Variants in NCAM1 observed in about 807,000 individuals in gnomAD.
NCAM1 encodes antigen recognized by monoclonal antibody 5.1H11.
NCAM1 carries 14 observed loss-of-function variants against 109.8 expected under a neutral mutation model. That is an observed-to-expected ratio of 0.13 (90% CI 0.08 to 0.20). NCAM1 has a LOEUF of 0.20. Ranked by LOEUF, NCAM1 falls within the 10% of genes least tolerant of loss-of-function variation. The pLI is 1.00. For missense variants in NCAM1, 774 were observed against 1,109.9 expected, an observed-to-expected ratio of 0.70 and a Z score of 4.30; for synonymous variants, 418 against 442.9, an observed-to-expected ratio of 0.94 and a Z score of 0.70.
rs184791547 is a variant in NCAM1 at position 113,250,920 on chromosome 11, C to G, written c.1828+4550C>G. On this transcript the variant is annotated intron_variant, in intron 15 of 19. Transcript: ENST00000316851. ...TCAAGCAATTCTCCTGCCTCAGCCT[C>G]CTGCGTAGCTGGGATTACAGACGCA... 2.1e-3 allele frequency among the ~76,000 whole-genome samples: 318 copies of G among 152,338 alleles called. 1 individual carries two copies. Among genetic ancestry groups the G allele is most frequent in the African/African-American group, 6.8e-3 (282 of 41,580 alleles).
rs1404327927 is a variant in NCAM1 at position 113,263,122 on chromosome 11, T to C, written c.2131+2799T>C. On this transcript the variant is annotated intron_variant, in intron 17 of 19. Coordinates refer to ENST00000316851, the MANE Select transcript of NCAM1 (RefSeq NM_181351.5). ...CCACTCACAGATACTTTTGTGCCAC[T>C]TCATAAGGAGTTTGCCCCCTTTTTA... 2.4e-6 allele frequency: 3 copies of C among 1,274,552 alleles called. No individual in the cohort carries two copies. The East Asian group carries it at 9.0e-5, about 38-fold the overall frequency. The allele number at this position is 1,274,552 out of a possible 1,614,324, so 79.0% of individuals were successfully genotyped here. A position where few individuals can be genotyped will look rare whatever the true frequency, so the allele number is the denominator to read the frequency against.
Position 113,228,594 on chromosome 11 carries a change from T to C in NCAM1, c.1090-3051T>C, listed in dbSNP as rs532997141. On this transcript the variant is annotated intron_variant, in intron 9 of 19. Coordinates refer to ENST00000316851, the MANE Select transcript of NCAM1 (RefSeq NM_181351.5). ...TGGAAAAAAGCTACTTTAAAGTTCA[T>C]ATGGAACCAAAAAAGAGCCCGCATC... is the stretch of plus-strand genomic sequence containing the variant. 2.6e-5 allele frequency among the ~76,000 whole-genome samples: 4 copies of C among 152,288 alleles called. No individual in the cohort carries two copies. The East Asian group carries it at 7.7e-4, about 29-fold the overall frequency.
At chr11:113,254,742 A>G (rs1289402821) in intron 15 of NCAM1, among the ~76,000 whole-genome samples, 2 of 152,198 alleles carry the variant, frequency 1.3e-5, no homozygotes, top group Non-Finnish European at 2.9e-5. Flanking sequence ...TCCAGAGAGC[A>G]AGCCAGAGTG....
chr11:113,042,033 T>A (rs2135430042), intron 1 of NCAM1, among the ~76,000 whole-genome samples: 1 of 152,310 alleles, frequency 6.6e-6, no homozygotes, highest in South Asian at 2.1e-4. Flanking sequence ...AACTTTGCCC[T>A]TGTCACTCCC....
At chr11:113,039,480 T>A (rs1167513056) in intron 1 of NCAM1, among the ~76,000 whole-genome samples, 1 of 152,230 alleles carries the variant, frequency 6.6e-6, no homozygotes, top group Non-Finnish European at 1.5e-5. Context: ...TTTTCTTCAG[T>A]CATCTCAAGA....
chr11:112,973,243 G>A (rs782368820), intron 1 of NCAM1, among the ~76,000 whole-genome samples: 9 of 152,018 alleles, frequency 5.9e-5, no homozygotes, highest in African/African-American at 9.7e-5. Flanking sequence ...TCTAATGTTC[G>A]TTTAGTCATT....
At chr11:113,155,555 G>A (rs1053164733) in intron 1 of NCAM1, among the ~76,000 whole-genome samples, 1 of 151,836 alleles carries the variant, frequency 6.6e-6, no homozygotes, top group South Asian at 2.1e-4. Flanking sequence ...GTCTTAGAAT[G>A]CCTCCTAGGT....
At chr11:113,119,803 T>C (rs1203098504) in intron 1 of NCAM1, among the ~76,000 whole-genome samples, 3 of 152,124 alleles carry the variant, frequency 2.0e-5, no homozygotes, top group Non-Finnish European at 4.4e-5. Flanking sequence ...TAAAATACTA[T>C]TTTAATGTAT....
chr11:113,270,150 C>T (rs781878287), intron 17 of NCAM1, 38 bp from the exon 18 acceptor site: 1 of 1,603,760 alleles, frequency 6.2e-7, no homozygotes, highest in Non-Finnish European at 8.5e-7. Context: ...TCTCGCATCT[C>T]AGTCTGTTAA....
Position 113,273,548 on chromosome 11 carries a change from C to T in NCAM1, c.2456+1672C>T, listed in dbSNP as rs939802280. 3.5e-5 allele frequency: 13 copies of T among 376,070 alleles called. No homozygotes were observed. Among genetic ancestry groups the T allele is most frequent in the Admixed American group, 5.8e-5 (2 of 34,388 alleles). 23.3% of individuals were successfully genotyped at this position (376,070 alleles called of 1,614,324 possible). Reference sequence around the variant, plus strand: ...CTAGCCCGAAGAGCGAGGCTGCCTCCGTCAGCACCACAAACCCTTCCCAGG... The same window carrying T: ...CTAGCCCGAAGAGCGAGGCTGCCTCTGTCAGCACCACAAACCCTTCCCAGG... On this transcript the variant is annotated intron_variant, in intron 19 of 19. Coordinates refer to ENST00000316851, the MANE Select transcript of NCAM1 (RefSeq NM_181351.5). The surrounding 1 kb of genome is among the most constrained non-coding windows in gnomAD (Gnocchi z 6.0).
chr11:113,109,458 A>G (rs782661129), intron 1 of NCAM1, among the ~76,000 whole-genome samples: 2 of 152,104 alleles, frequency 1.3e-5, no homozygotes, highest in Non-Finnish European at 2.9e-5. Context: ...AGCTAGTGCT[A>G]TGTGATGAGA....
At chr11:113,023,912 C>CA (rs201627711) in intron 1 of NCAM1, among the ~76,000 whole-genome samples, 3,237 of 137,672 alleles carry the variant, frequency 0.024, 77 homozygotes, top group East Asian at 0.1. Context: ...GTCTGATCTG[C>CA]AAAAAAAAAA....
chr11:113,196,021 T>C (rs756820393), intron 1 of NCAM1, among the ~76,000 whole-genome samples: 7 of 152,098 alleles, frequency 4.6e-5, no homozygotes, highest in Non-Finnish European at 8.8e-5. Context: ...ACATTACCTT[T>C]CTAAACAATT....
In NCAM1 at chr11:112,962,904, G is replaced by A. The variant is rs1555063756; in HGVS notation, c.52+1240G>A. On this transcript the variant is annotated intron_variant, in intron 1 of 19. Transcript: ENST00000316851. This position sits in a 1 kb window ranked among gnomAD's most constrained non-coding sequence, Gnocchi z 5.6. ...TGCTGGGAAGCGATCGAGGAAAGCC[G>A]GGCGGAGGGGCTGTGTGTCGCGGTC... Among the ~76,000 whole-genome samples, 1 of 152,202 alleles carries A rather than the reference G, an allele frequency of 6.6e-6. No individual in the cohort carries two copies. The highest frequency in any genetic ancestry group is 2.1e-4 in the South Asian group (1 of 4,822).
intron 1 of NCAM1, among the ~76,000 whole-genome samples, chr11:112,964,292 C>T (rs1314873743): frequency 2.0e-5 from 3 of 151,942 alleles, no homozygotes; most frequent in African/African-American, 7.3e-5. Flanking sequence ...GGCTGCCCCT[C>T]TCCTCTTTCT....
Position 113,277,142 on chromosome 11 carries a change from A to G in NCAM1, c.*1755A>G, listed in dbSNP as rs2137830765. On this transcript the variant is annotated 3_prime_UTR_variant, in exon 20 of 20. Transcript: ENST00000316851. ...TGATGCTAAGTAAACAGAAATCAGT[A>G]CTCCGCATGCGCTCCTCTCCTAAGG... 1 of 393,744 alleles carries G rather than the reference A, an allele frequency of 2.5e-6. No homozygotes were observed. Among genetic ancestry groups the G allele is most frequent in the South Asian group, 1.4e-4 (1 of 6,946 alleles). The allele number at this position is 393,744 out of a possible 1,614,324, so 24.4% of individuals were successfully genotyped here.
chr11:113,088,660 C>T (rs1206223028), intron 1 of NCAM1, among the ~76,000 whole-genome samples: 2 of 152,214 alleles, frequency 1.3e-5, no homozygotes, highest in South Asian at 2.1e-4. Context: ...TGATATGATG[C>T]GAGTAACAAA....
At chr11:113,169,617 A>G (rs1273469083) in intron 1 of NCAM1, among the ~76,000 whole-genome samples, 1 of 137,928 alleles carries the variant, frequency 7.3e-6, no homozygotes, top group Non-Finnish European at 1.5e-5. Flanking sequence ...GACTTTTCAG[A>G]GTTGGATGGG....
At chr11:113,119,273 A>C (rs1294174443) in intron 1 of NCAM1, among the ~76,000 whole-genome samples, 3 of 152,192 alleles carry the variant, frequency 2.0e-5, no homozygotes, top group Non-Finnish European at 4.4e-5. Flanking sequence ...CATGGGAGGG[A>C]AAACTGCTTT....
Sources: allele counts gnomAD v4.1 joint callset (sites outside exome capture counted in the v4.1 genomes callset), GRCh38; gene constraint gnomAD v4.1.1; non-coding constraint Gnocchi (gnomAD v3.1); transcripts MANE v1.5; gene names NCBI Gene and HGNC (gene_info 2026-07-23, HGNC 2026-07-21).